Variants in NOS1AP observed in about 807,000 individuals in gnomAD.
NOS1AP encodes the protein carboxyl-terminal PDZ ligand of neuronal nitric oxide synthase protein.
NOS1AP carries 21 observed loss-of-function variants against 56.2 expected under a neutral mutation model. The ratio of observed to expected loss-of-function variants is 0.37; its 90% CI spans 0.26 to 0.54. NOS1AP has a LOEUF of 0.54. Among genes scored for constraint, NOS1AP ranks in the 20% least tolerant of loss-of-function variants. The pLI, the probability that NOS1AP is intolerant of heterozygous loss-of-function variation, is 0.84. For missense variants in NOS1AP, 522 were observed against 657.8 expected (o/e 0.79, Z 2.26); for synonymous variants, 270 against 274.6 (o/e 0.98, Z 0.17).
intron 2 of NOS1AP, among the ~76,000 whole-genome samples, chr1:162,274,618 T>C (rs755934476): frequency 2.0e-5 from 3 of 152,258 alleles, no homozygotes; most frequent in Non-Finnish European, 4.4e-5. Flanking sequence ...AGGCCATTAT[T>C]CCAGACTTGG....
chr1:162,357,921 C>A (rs1657754282), intron 8 of NOS1AP, among the ~76,000 whole-genome samples: 1 of 148,550 alleles, frequency 6.7e-6, no homozygotes, highest in South Asian at 2.1e-4. Context: ...CTACCACCAG[C>A]ACTCAGGGAA....
chr1:162,330,251 T>G (rs1656723081), intron 4 of NOS1AP, among the ~76,000 whole-genome samples: 1 of 152,214 alleles, frequency 6.6e-6, no homozygotes, highest in African/African-American at 2.4e-5. Context: ...TAGATGAGCA[T>G]TAATGACAGC....
At chr1:162,174,832 C>A (rs1447179981) in intron 2 of NOS1AP, among the ~76,000 whole-genome samples, 1 of 152,146 alleles carries the variant, frequency 6.6e-6, no homozygotes, top group Non-Finnish European at 1.5e-5. Context: ...ACATTTAGTT[C>A]TTATCCTCCT....
At chr1:162,324,297 T>G (rs555351384) in intron 4 of NOS1AP, among the ~76,000 whole-genome samples, 4 of 152,150 alleles carry the variant, frequency 2.6e-5, no homozygotes, top group Non-Finnish European at 5.9e-5. Context: ...TAGATTTGGT[T>G]TTTGACAGCC....
intron 2 of NOS1AP, among the ~76,000 whole-genome samples, chr1:162,202,243 C>T (rs1016904931): frequency 7.9e-5 from 12 of 151,930 alleles, no homozygotes; most frequent in South Asian, 2.1e-4. Context: ...ACCCTGAAAG[C>T]GATATATTCT....
intron 5 of NOS1AP, 85 bp downstream of exon 5, chr1:162,333,210 A>G (rs1656830907): frequency 1.1e-6 from 1 of 895,554 alleles, no homozygotes; most frequent in African/African-American, 1.6e-5. Flanking sequence ...CCTGTTGAAG[A>G]CAGCTGTGGT....
chr1:162,154,124 T>A (rs1454791665), intron 1 of NOS1AP, among the ~76,000 whole-genome samples: 1 of 151,914 alleles, frequency 6.6e-6, no homozygotes, highest in African/African-American at 2.4e-5. Flanking sequence ...GGTGGAAGAG[T>A]CTTCACACCC....
chr1:162,300,571 G>GCATA lies in NOS1AP; in HGVS notation c.271-61_271-58dup. 2.9e-6 allele frequency: 4 copies of GCATA among 1,390,546 alleles called. No homozygotes were observed. In the East Asian group the frequency reaches 9.2e-5, roughly 32 times the overall value. The allele number at this position is 1,390,546 out of a possible 1,614,324, so 86.1% of individuals were successfully genotyped here. On this transcript the variant is annotated intron_variant, in intron 3 of 9. Transcript: ENST00000361897. ...AAAATGCATGTGTTTGCATAAGTAT[G>GCATA]CATAGCTCAGTGTGTGCCCTGGTCC...
At chr1:162,276,512 A>C (rs1571183226) in intron 2 of NOS1AP, among the ~76,000 whole-genome samples, 1 of 148,756 alleles carries the variant, frequency 6.7e-6, no homozygotes, top group Non-Finnish European at 1.5e-5. Context: ...CATGAGAATC[A>C]CCTGGGTAGC....
intron 3 of NOS1AP, among the ~76,000 whole-genome samples, chr1:162,290,456 C>G (rs908201808): frequency 5.3e-5 from 8 of 152,230 alleles, no homozygotes; most frequent in Admixed American, 1.3e-4. Context: ...CACACTTTCT[C>G]TCTCTGCTTA....
chr1:162,152,137 G>T (rs1286934276), intron 1 of NOS1AP, among the ~76,000 whole-genome samples: 3 of 152,172 alleles, frequency 2.0e-5, no homozygotes, highest in African/African-American at 7.2e-5. Context: ...CAGGGTCATG[G>T]TAGCAGGATA....
intron 2 of NOS1AP, among the ~76,000 whole-genome samples, chr1:162,154,918 T>C (rs1352902965): frequency 6.6e-6 from 1 of 152,034 alleles, no homozygotes; most frequent in African/African-American, 2.4e-5. Context: ...CCTCCCAAAG[T>C]GTTAGGATTA....
At chr1:162,289,283 T>A (rs1655205962) in intron 3 of NOS1AP, among the ~76,000 whole-genome samples, 1 of 132,640 alleles carries the variant, frequency 7.5e-6, no homozygotes, top group Non-Finnish European at 1.6e-5. Flanking sequence ...CTTCCTTTCC[T>A]TCCTTCCTTC....
At chr1:162,179,717 A>G (rs776682722) in intron 2 of NOS1AP, among the ~76,000 whole-genome samples, 1 of 152,198 alleles carries the variant, frequency 6.6e-6, no homozygotes. Flanking sequence ...CCTAGAGGTG[A>G]GAGAGCACAG....
intron 1 of NOS1AP, among the ~76,000 whole-genome samples, chr1:162,132,424 C>T (rs375296860): frequency 6.6e-6 from 1 of 152,100 alleles, no homozygotes; most frequent in African/African-American, 2.4e-5. Context: ...CTACCCACCT[C>T]GATAAGATCC....
chr1:162,132,481 TAC>T (rs1371816709), intron 1 of NOS1AP, among the ~76,000 whole-genome samples: 1 of 152,116 alleles, frequency 6.6e-6, no homozygotes, highest in Non-Finnish European at 1.5e-5. Context: ...AAGAAAAAAA[TAC>T]AGAGATTTCT....
intron 1 of NOS1AP, among the ~76,000 whole-genome samples, chr1:162,115,153 C>G (rs1267807958): frequency 2.0e-5 from 3 of 152,188 alleles, no homozygotes; most frequent in African/African-American, 7.2e-5. Context: ...GATCCCTCCT[C>G]TTTTGGAGCT....
At chr1:162,338,396 G>T (rs1314850003) in intron 5 of NOS1AP, among the ~76,000 whole-genome samples, 3 of 152,066 alleles carry the variant, frequency 2.0e-5, no homozygotes, top group Non-Finnish European at 4.4e-5. Context: ...CTGGTATTTT[G>T]TACTTATACT....
intron 2 of NOS1AP, among the ~76,000 whole-genome samples, chr1:162,228,644 G>A (rs1653018945): frequency 6.6e-6 from 1 of 152,220 alleles, no homozygotes; most frequent in Admixed American, 6.5e-5. Flanking sequence ...CCAGCGCCCA[G>A]CAAGGCTGAC....
Sources: allele counts gnomAD v4.1 joint callset (sites outside exome capture counted in the v4.1 genomes callset), GRCh38; gene constraint gnomAD v4.1.1; transcripts MANE v1.5; gene names NCBI Gene and HGNC (gene_info 2026-07-23, HGNC 2026-07-21).